The following ACACB variants were observed in gnomAD, a reference collection of about 807,000 sequenced individuals.
ACACB encodes the protein acetyl-CoA carboxylase 2.
ACACB carries 209 observed loss-of-function variants against 278.8 expected under a neutral mutation model. That is an observed-to-expected ratio of 0.75 (90% confidence interval 0.67 to 0.84). ACACB has a LOEUF of 0.84. Among genes scored for constraint, ACACB ranks in the 40% least tolerant of loss-of-function variants. The pLI is 0.00. For missense variants in ACACB, 2,850 were observed against 3,269.0 expected (o/e 0.87, Z 3.13); for synonymous variants, 1,174 against 1,285.6 (o/e 0.91, Z 1.86).
intron 22 of ACACB, among the ~76,000 whole-genome samples, chr12:109,216,045 C>T (rs1002791442): frequency 1.3e-5 from 2 of 151,984 alleles, no homozygotes; most frequent in Non-Finnish European, 2.9e-5. Flanking sequence ...ATGATACTCA[C>T]GCCTCAGCCT....
chr12:109,159,536 T>C (rs983635784), intron 2 of ACACB, among the ~76,000 whole-genome samples: 7 of 152,172 alleles, frequency 4.6e-5, no homozygotes, highest in Non-Finnish European at 1.0e-4. Flanking sequence ...GAAGTAACTT[T>C]CCCAGGATTA....
At chr12:109,264,117 C>G (rs1296787303) in intron 49 of ACACB, 115 bp from the exon 50 acceptor site, 30 of 1,239,344 alleles carry the variant, frequency 2.4e-5, no homozygotes, top group Non-Finnish European at 3.1e-5. Flanking sequence ...TCTCACAAGG[C>G]AAGGCCTGTC....
intron 2 of ACACB, among the ~76,000 whole-genome samples, chr12:109,163,169 C>A (rs1040239179): frequency 6.6e-6 from 1 of 152,206 alleles, no homozygotes; most frequent in African/African-American, 2.4e-5. Flanking sequence ...AGGTGATTCA[C>A]CTGCCTCGGC....
chr12:109,156,195 A>G (rs2043528141), intron 2 of ACACB, among the ~76,000 whole-genome samples: 1 of 152,174 alleles, frequency 6.6e-6, no homozygotes, highest in Non-Finnish European at 1.5e-5. Flanking sequence ...GTGAACAGCC[A>G]CTGCACTCTA....
chr12:109,216,859 T>C lies in ACACB; in HGVS notation c.3503T>C (p.Leu1168Pro). 1 of 1,614,116 alleles carries C rather than the reference T, an allele frequency of 6.2e-7. No homozygotes were observed. The highest frequency in any genetic ancestry group is 8.5e-7 in the Non-Finnish European group (1 of 1,180,016). ...TTCAAGCCAGACATGTCCCAGGTGCTGGACTGCATCTTCTCCCACGCACAG... is the reference window on the plus strand; with the variant it reads ...TTCAAGCCAGACATGTCCCAGGTGCCGGACTGCATCTTCTCCCACGCACAG... ...EQFKPDMSQVLDCIFSHAQVA... is the reference protein window; with the variant it reads ...EQFKPDMSQVPDCIFSHAQVA... The change falls in exon 24 of 53, where the codon CTG becomes CCG. Residue 1168 changes from leucine (L) to proline (P), a missense_variant. Coordinates refer to ENST00000338432, the MANE Select transcript of ACACB (RefSeq NM_001093.4).
intron 16 of ACACB, among the ~76,000 whole-genome samples, chr12:109,196,662 G>A (rs1354472695): frequency 6.6e-6 from 1 of 152,214 alleles, no homozygotes; most frequent in African/African-American, 2.4e-5. Context: ...GGCTGCTGGT[G>A]GAGTCTCCAG....
At chr12:109,194,951 G>A (rs1216125846) in intron 16 of ACACB, among the ~76,000 whole-genome samples, 1 of 150,606 alleles carries the variant, frequency 6.6e-6, no homozygotes, top group Non-Finnish European at 1.5e-5. Flanking sequence ...TAGATTACTG[G>A]CATCTTCCCT....
At chr12:109,132,780 C>CT (rs1029595324) in intron 1 of ACACB, among the ~76,000 whole-genome samples, 1 of 152,112 alleles carries the variant, frequency 6.6e-6, no homozygotes, top group Admixed American at 6.6e-5. Flanking sequence ...AAGGGAAAGG[C>CT]TGTGAGGTTT....
chr12:109,263,079 C>G (rs1175124087), intron 49 of ACACB: 1 of 149,426 alleles, frequency 6.7e-6, no homozygotes, highest in Non-Finnish European at 1.5e-5. Flanking sequence ...GCAAAATGTT[C>G]CTTTAGAATT....
chr12:109,171,950 G>C (rs776284233), intron 5 of ACACB, 36 bp downstream of exon 5: 1 of 1,541,152 alleles, frequency 6.5e-7, no homozygotes, highest in South Asian at 1.1e-5. Flanking sequence ...TGGCCCCTGA[G>C]TGTGGGATGA....
intron 11 of ACACB, among the ~76,000 whole-genome samples, chr12:109,184,741 C>T (rs941418353): frequency 3.4e-5 from 5 of 147,562 alleles, no homozygotes; most frequent in African/African-American, 1.0e-4. Flanking sequence ...GAGTCTCGCT[C>T]TGTCACTCAG....
chr12:109,171,844 G>C lies in ACACB; in HGVS notation c.965G>C (p.Gly322Ala). ...KMADHYVPVP[G>A]GPNNNNYANV... Reference sequence around the variant, plus strand: ...GCGGATCATTACGTCCCCGTCCCAGGAGGGCCCAATAACAACAACTATGCC... The same window carrying C: ...GCGGATCATTACGTCCCCGTCCCAGCAGGGCCCAATAACAACAACTATGCC... Residue 322 changes from glycine (G) to alanine (A), a missense_variant, in exon 5 of 53, where the codon GGA becomes GCA. By Grantham distance (60) the Gly-to-Ala change is moderately conservative. This residue lies in a region of ACACB where 2,265 missense variants were observed against 2,561.3 expected (regional missense o/e 0.88). Transcript: ENST00000338432. 6.2e-7 allele frequency: 1 copy of C among 1,614,120 alleles called. No individual in the cohort carries two copies. The highest frequency in any genetic ancestry group is 8.5e-7 in the Non-Finnish European group (1 of 1,180,000).
At chr12:109,123,132 G>T (rs1390458364) in intron 1 of ACACB, among the ~76,000 whole-genome samples, 2 of 148,966 alleles carry the variant, frequency 1.3e-5, no homozygotes, top group Non-Finnish European at 3.0e-5. Flanking sequence ...AGTGAGCCGA[G>T]ATCGCACCAC....
At chr12:109,159,560 C>T (rs1341338459) in intron 2 of ACACB, among the ~76,000 whole-genome samples, 3 of 152,120 alleles carry the variant, frequency 2.0e-5, no homozygotes, top group East Asian at 1.9e-4. Context: ...AGGTTATAAG[C>T]GGTAGATTCT....
chr12:109,112,094 G>A (rs2042307618), upstream of ACACB, among the ~76,000 whole-genome samples: 1 of 151,018 alleles, frequency 6.6e-6, no homozygotes, highest in African/African-American at 2.5e-5. Context: ...GGGGAGCAGT[G>A]AGCTCCAAGT....
rs1339743460 is a variant in ACACB, at chr12:109,205,914, G to A, written c.2914-796G>A. Among the ~76,000 whole-genome samples, 3 of 152,278 alleles carry A rather than the reference G, an allele frequency of 2.0e-5. No individual in the cohort carries two copies. In the East Asian group the frequency reaches 5.8e-4, roughly 29 times the overall value. On this transcript the variant is annotated intron_variant, in intron 19 of 52. Transcript: ENST00000338432. ...CAGTAGGTATTTGTAGAATGAATGAGTAGACGAATGAGCACATTTAGTCTG... is the reference window on the plus strand; with the variant it reads ...CAGTAGGTATTTGTAGAATGAATGAATAGACGAATGAGCACATTTAGTCTG...
intron 4 of ACACB, among the ~76,000 whole-genome samples, chr12:109,169,164 A>G (rs1390378663): frequency 4.4e-5 from 6 of 136,448 alleles, no homozygotes; most frequent in Non-Finnish European, 9.8e-5. Context: ...AAAAAAAGCA[A>G]AACAAAAACC....
At chr12:109,189,860 C>T (rs1208148432) in intron 13 of ACACB, among the ~76,000 whole-genome samples, 1 of 152,194 alleles carries the variant, frequency 6.6e-6, no homozygotes, top group African/African-American at 2.4e-5. Context: ...CCTGTAATCC[C>T]AGCACTTTGG....
chr12:109,139,369 T>TA, intron 1 of ACACB, 28 bp from the exon 2 acceptor site: 4 of 1,577,240 alleles, frequency 2.5e-6, no homozygotes, highest in Non-Finnish European at 3.4e-6. Flanking sequence ...ATGTAAATCC[T>TA]AAAATGTCTC....
Sources: gnomAD v4.1 joint callset for allele counts (sites outside exome capture counted in the v4.1 genomes callset) on GRCh38, gnomAD v4.1.1 for gene constraint, gnomAD v4.1.1 regional missense constraint, MANE v1.5 for transcripts, NCBI Gene and HGNC (gene_info 2026-07-23, HGNC 2026-07-21) for gene names.